The following EPHA5 variants were observed in gnomAD, a reference collection of about 807,000 sequenced individuals.
The protein encoded by EPHA5 is ephrin type-A receptor 5.
EPHA5 carries 60 observed loss-of-function variants against 105.0 expected under a neutral mutation model. That is an observed-to-expected ratio of 0.57 (90% CI 0.46 to 0.71). EPHA5 has a LOEUF of 0.71. EPHA5 is among the 30% of genes least tolerant of loss of function. The probability of loss-of-function intolerance (pLI) is 0.00; values close to 1 mark genes in which losing one functional copy is unlikely to be tolerated. For synonymous variants in EPHA5, 513 were observed against 449.1 expected (o/e 1.14, Z -1.80); for missense variants, 1,218 against 1,274.7 (o/e 0.96, Z 0.68).
intron 1 of EPHA5, among the ~76,000 whole-genome samples, chr4:65,661,584 C>A (rs1749564248): frequency 6.6e-6 from 1 of 152,120 alleles, no homozygotes; most frequent in African/African-American, 2.4e-5. Flanking sequence ...GATGACAGTG[C>A]ATTGTCATCT....
At chr4:65,364,772 G>A (rs899164684) in intron 11 of EPHA5, among the ~76,000 whole-genome samples, 1 of 151,268 alleles carries the variant, frequency 6.6e-6, no homozygotes, top group Admixed American at 6.6e-5. Flanking sequence ...TCTTTTATCT[G>A]GATACATTTT....
intron 3 of EPHA5, among the ~76,000 whole-genome samples, chr4:65,511,560 A>G (rs1011817767): frequency 1.4e-4 from 21 of 152,204 alleles, no homozygotes; most frequent in Non-Finnish European, 7.3e-5. Flanking sequence ...GTATATATGT[A>G]TGTATATTTG....
At chr4:65,523,808 A>G (rs1325874430) in intron 3 of EPHA5, among the ~76,000 whole-genome samples, 1 of 151,910 alleles carries the variant, frequency 6.6e-6, no homozygotes, top group Non-Finnish European at 1.5e-5. Flanking sequence ...AATACATAGG[A>G]TGCCTAAAGG....
At chr4:65,386,957 A>G (rs1257142469) in intron 8 of EPHA5, among the ~76,000 whole-genome samples, 1 of 151,956 alleles carries the variant, frequency 6.6e-6, no homozygotes, top group African/African-American at 2.4e-5. Context: ...GCAATATAAA[A>G]AAAAAAGGCT....
chr4:65,583,250 C>G (rs1741813428), intron 3 of EPHA5, among the ~76,000 whole-genome samples: 1 of 151,410 alleles, frequency 6.6e-6, no homozygotes, highest in Non-Finnish European at 1.5e-5. Flanking sequence ...ATGAGAAACT[C>G]TTGCCACTAA....
At chr4:65,559,788 T>A (rs538205735) in intron 3 of EPHA5, among the ~76,000 whole-genome samples, 28 of 152,324 alleles carry the variant, frequency 1.8e-4, no homozygotes, top group Admixed American at 1.2e-3. Context: ...ATCTTATAAA[T>A]GGAAAACAAC....
chr4:65,476,127 A>AGAGAGAGAGTGTGT (rs1425495059), intron 5 of EPHA5, among the ~76,000 whole-genome samples: 2 of 119,106 alleles, frequency 1.7e-5, no homozygotes, highest in East Asian at 2.4e-4. Flanking sequence ...AGAGAGAGAG[A>AGAGAGAGAGTGTGT]GTGTGTGTGT....
intron 8 of EPHA5, among the ~76,000 whole-genome samples, chr4:65,375,282 C>T (rs970436108): frequency 4.6e-5 from 7 of 151,462 alleles, no homozygotes; most frequent in Non-Finnish European, 8.8e-5. Context: ...GTGGCTAAAT[C>T]TTTTTTATTT....
chr4:65,395,717 G>T (rs192450043), intron 8 of EPHA5, among the ~76,000 whole-genome samples: 1 of 152,308 alleles, frequency 6.6e-6, no homozygotes, highest in East Asian at 1.9e-4. Flanking sequence ...ATTTGAACAT[G>T]ATCATGACAA....
At chr4:65,423,071 C>A (rs994459136) in intron 5 of EPHA5, among the ~76,000 whole-genome samples, 2 of 151,946 alleles carry the variant, frequency 1.3e-5, no homozygotes, top group African/African-American at 2.4e-5. Flanking sequence ...TTGGTTATGG[C>A]AGTTTTTCAA....
At chr4:65,604,359 C>T (rs11947738) in intron 2 of EPHA5, among the ~76,000 whole-genome samples, 74,922 of 152,020 alleles carry the variant, frequency 0.49, 20,166 homozygotes, top group Middle Eastern at 0.65. Context: ...TCTTGCTTCT[C>T]TGAATATTCT....
chr4:65,574,261 T>C, intron 3 of EPHA5: 1 of 1,593,408 alleles, frequency 6.3e-7, no homozygotes, highest in South Asian at 1.1e-5. Flanking sequence ...ATTCCTCAGC[T>C]CCAGGGCTAG....
At chr4:65,363,925 C>A (rs1290626365) in intron 11 of EPHA5, among the ~76,000 whole-genome samples, 1 of 151,304 alleles carries the variant, frequency 6.6e-6, no homozygotes, top group Non-Finnish European at 1.5e-5. Context: ...TAAAGAATAT[C>A]CTCATTATAA....
intron 3 of EPHA5, among the ~76,000 whole-genome samples, chr4:65,524,984 T>C (rs537785692): frequency 4.0e-5 from 6 of 151,886 alleles, no homozygotes; most frequent in Admixed American, 1.3e-4. Flanking sequence ...CATCTTTTTG[T>C]GAGTCAGTGT....
chr4:65,409,196 G>T (rs1048289565), intron 7 of EPHA5, among the ~76,000 whole-genome samples: 1 of 89,282 alleles, frequency 1.1e-5, no homozygotes, highest in Non-Finnish European at 2.2e-5. Flanking sequence ...GTTGTGGGGT[G>T]GGGGGAGGGG....
chr4:65,436,448 C>T (rs1179692194), intron 5 of EPHA5, among the ~76,000 whole-genome samples: 1 of 151,890 alleles, frequency 6.6e-6, no homozygotes, highest in Non-Finnish European at 1.5e-5. Context: ...ATATTTTAAA[C>T]TCCTGGTTAC....
intron 1 of EPHA5, among the ~76,000 whole-genome samples, chr4:65,652,762 A>G (rs1748723748): frequency 2.0e-5 from 3 of 152,148 alleles, no homozygotes; most frequent in African/African-American, 7.2e-5. Context: ...GAAAATCTTC[A>G]GGCATATCAA....
At chr4:65,451,461 C>T (rs1727058137) in intron 5 of EPHA5, among the ~76,000 whole-genome samples, 1 of 151,954 alleles carries the variant, frequency 6.6e-6, no homozygotes, top group Admixed American at 6.6e-5. Context: ...TATATAGGTT[C>T]AAAGTTATAT....
chr4:65,664,291 A>G (rs1465592103), intron 1 of EPHA5, among the ~76,000 whole-genome samples: 1 of 151,932 alleles, frequency 6.6e-6, no homozygotes, highest in Non-Finnish European at 1.5e-5. Context: ...TAACTGTCAT[A>G]TCATGCCTTC....
Sources: allele counts gnomAD v4.1 joint callset (sites outside exome capture counted in the v4.1 genomes callset), GRCh38; gene constraint gnomAD v4.1.1; transcripts MANE v1.5; gene names NCBI Gene and HGNC (gene_info 2026-07-23, HGNC 2026-07-21).